Variants in SLK observed in about 807,000 individuals in gnomAD.
The protein encoded by SLK is STE20 like kinase.
Under a neutral mutation model 147.7 loss-of-function variants are expected in SLK, and 67 were observed. The ratio of observed to expected loss-of-function variants is 0.45; its 90% CI spans 0.37 to 0.56. SLK has a LOEUF of 0.56. Among genes scored for constraint, SLK ranks in the 20% least tolerant of loss-of-function variants. SLK has a pLI of 0.00. For synonymous variants in SLK, 441 were observed against 475.0 expected (o/e 0.93, Z 0.93); for missense variants, 1,136 against 1,438.8 (o/e 0.79, Z 3.41).
At chr10:104,019,106 G>T in intron 15 of SLK, 198 bp downstream of exon 15, 1 of 468,634 alleles carries the variant, frequency 2.1e-6, no homozygotes, top group Non-Finnish European at 3.8e-6. Flanking sequence ...CAAATTATAA[G>T]GAAAGTAACT....
At chr10:104,000,423 A>C (rs549589930) in intron 7 of SLK, among the ~76,000 whole-genome samples, 1 of 152,192 alleles carries the variant, frequency 6.6e-6, no homozygotes, top group Admixed American at 6.5e-5. Flanking sequence ...TCTTGAGGCA[A>C]TTACTGTTAG....
chr10:103,967,992 CCTT>C (rs757801468), intron 1 of SLK, 97 bp downstream of exon 1: 230 of 1,271,750 alleles, frequency 1.8e-4, no homozygotes, highest in African/African-American at 3.3e-4. Flanking sequence ...CTTATCCTGT[CCTT>C]CTTTTGACTG....
In SLK at chr10:104,008,376, T is replaced by C. The variant is rs1844356955; in HGVS notation, c.2784+20T>C. On this transcript the variant is annotated intron_variant, in intron 12 of 18. Transcript: ENST00000369755. ...AAGGAGGTAAGTGTAAACTACTGTT[T>C]TTAATTACTAAAGCTTTTTTTTTAA... is the stretch of plus-strand genomic sequence containing the variant. 1 of 1,550,566 alleles carries C rather than the reference T, an allele frequency of 6.4e-7. No individual in the cohort carries two copies. The highest frequency in any genetic ancestry group is 8.7e-7 in the Non-Finnish European group (1 of 1,144,726).
In SLK at chr10:104,008,297, G is replaced by A. The variant is rs1217978335; in HGVS notation, c.2725G>A (p.Gly909Arg). 1 of 1,613,726 alleles carries A rather than the reference G, an allele frequency of 6.2e-7. No homozygotes were observed. Among genetic ancestry groups the A allele is most frequent in the Non-Finnish European group, 8.5e-7 (1 of 1,179,896 alleles). Reference protein sequence around the residue: ...RLRDEAKRIKGEQEKELSKFQ... With the variant: ...RLRDEAKRIKREQEKELSKFQ... ...GCGAGATGAAGCCAAACGCATCAAA[G>A]GAGAACAAGAGAAAGAGTTGTCCAA... The change falls in exon 12 of 19, where the codon GGA (glycine) becomes AGA (arginine). Residue 909 changes from glycine to arginine, a missense_variant. By Grantham distance (125) the Gly-to-Arg change is moderately radical. Coordinates refer to ENST00000369755, the MANE Select transcript of SLK (RefSeq NM_014720.4).
chr10:103,980,757 G>C (rs1843930231), intron 1 of SLK, among the ~76,000 whole-genome samples: 1 of 152,112 alleles, frequency 6.6e-6, no homozygotes, highest in Non-Finnish European at 1.5e-5. Context: ...TTGCTTGCAT[G>C]TTTTAGCTGT....
chr10:104,015,429 T>C (rs1409080242), intron 13 of SLK, among the ~76,000 whole-genome samples: 2 of 152,244 alleles, frequency 1.3e-5, no homozygotes, highest in East Asian at 1.9e-4. Flanking sequence ...GCAGTCATTG[T>C]GAGGCATGGT....
rs765951157 is a variant in SLK at position 103,999,201 on chromosome 10, A to G, written c.670A>G (p.Thr224Ala). ...AGCTGATGTTTGGTCCCTGGGTATC[A>G]CTTTAATAGAAATGGCTGAGATAGA... is the stretch of plus-strand genomic sequence containing the variant. ...YKADVWSLGI[T>A]LIEMAEIEPP... Residue 224 changes from threonine to alanine, a missense_variant, in exon 6 of 19, where the codon ACT becomes GCT. This residue lies in a region of SLK where 141 missense variants were observed against 219.3 expected (regional missense o/e 0.64). Transcript: ENST00000369755. 1.9e-6 allele frequency: 3 copies of G among 1,613,662 alleles called. No individual in the cohort carries two copies. Among genetic ancestry groups the G allele is most frequent in the South Asian group, 2.2e-5 (2 of 91,076 alleles).
intron 1 of SLK, among the ~76,000 whole-genome samples, chr10:103,986,635 G>C (rs1295378457): frequency 1.4e-5 from 2 of 147,416 alleles, no homozygotes; most frequent in African/African-American, 2.5e-5. Flanking sequence ...GGAACCCCGG[G>C]TTTAGTTATT....
At chr10:103,990,258 G>C (rs1341332275) in intron 1 of SLK, among the ~76,000 whole-genome samples, 1 of 152,124 alleles carries the variant, frequency 6.6e-6, no homozygotes, top group Non-Finnish European at 1.5e-5. Context: ...ATTATAACGA[G>C]GGCTACATGT....
At chr10:104,018,014 A>G (rs763115554) in intron 13 of SLK, 146 bp from the exon 14 acceptor site, 4 of 598,570 alleles carry the variant, frequency 6.7e-6, no homozygotes, top group Non-Finnish European at 1.2e-5. Flanking sequence ...CATTTGTACT[A>G]TATAATTTTA....
At chr10:104,011,764 G>T (rs1487711670) in intron 13 of SLK, among the ~76,000 whole-genome samples, 2 of 152,162 alleles carry the variant, frequency 1.3e-5, no homozygotes, top group Non-Finnish European at 2.9e-5. Context: ...GTTTCACCAT[G>T]TTGGTCAGGA....
At position 103,967,911 on chromosome 10, in the gene SLK, C is replaced by CG. The variant is rs773991893; in HGVS notation, c.150+19dup. ...AGTGTACAAGGTAAGAGGGGGAAAA[C>CG]GGGAAGTTGTACTGCGAAGGTAAAA... is the stretch of plus-strand genomic sequence containing the variant. On this transcript the variant is annotated intron_variant, in intron 1 of 18. Coordinates refer to ENST00000369755, the MANE Select transcript of SLK (RefSeq NM_014720.4). The CG allele has an allele frequency of 1.1e-4, 172 of 1,611,510 alleles. 1 individual carries two copies. Among genetic ancestry groups the CG allele is most frequent in the Non-Finnish European group, 1.4e-4 (168 of 1,178,512 alleles).
At chr10:103,994,739 T>C (rs1391965466) in intron 4 of SLK, among the ~76,000 whole-genome samples, 1 of 152,238 alleles carries the variant, frequency 6.6e-6, no homozygotes, top group African/African-American at 2.4e-5. Flanking sequence ...GGGCTAGTAA[T>C]GAAACACTGA....
chr10:104,002,816 T>G lies in SLK; in HGVS notation c.1638T>G (p.Ser546Arg). 6.2e-7 allele frequency: 1 copy of G among 1,613,932 alleles called. No individual in the cohort carries two copies. Among genetic ancestry groups the G allele is most frequent in the South Asian group, 1.1e-5 (1 of 91,062 alleles). The change falls in exon 9 of 19, where the codon AGT becomes AGG. Residue 546 changes from serine (S) to arginine (R), a missense_variant. This residue lies in a region of SLK where 516 missense variants were observed against 531.3 expected (regional missense o/e 0.97). Coordinates refer to ENST00000369755, the MANE Select transcript of SLK (RefSeq NM_014720.4). ...KTQKDVISNT[S>R]DVIGTCEAAD... Reference sequence around the variant, plus strand: ...AAAAAGATGTGATCAGCAATACAAGTGATGTGATAGGAACATGTGAGGCAG... The same window carrying G: ...AAAAAGATGTGATCAGCAATACAAGGGATGTGATAGGAACATGTGAGGCAG...
chr10:104,016,524 A>G (rs1844468000), intron 13 of SLK, among the ~76,000 whole-genome samples: 1 of 152,254 alleles, frequency 6.6e-6, no homozygotes, highest in Admixed American at 6.5e-5. Flanking sequence ...TTTTTCAATG[A>G]TAATTTTCTT....
Position 104,002,808 on chromosome 10 carries a change from A to G in SLK, c.1630A>G (p.Asn544Asp). 4 of 1,614,164 alleles carry G rather than the reference A, an allele frequency of 2.5e-6. No homozygotes were observed. The highest frequency in any genetic ancestry group is 2.5e-6 in the Non-Finnish European group (3 of 1,180,024). ...DDKTQKDVIS[N>D]TSDVIGTCEA... The stretch of plus-strand genomic sequence containing the variant: ...CAAAACTCAAAAAGATGTGATCAGC[A>G]ATACAAGTGATGTGATAGGAACATG... Residue 544 changes from asparagine to aspartate, a missense_variant, in exon 9 of 19, where the codon AAT (asparagine) becomes GAT (aspartate). Around this residue, in one of 6 missense-constraint regions of SLK, gnomAD observed 516 missense variants for 531.3 expected, o/e 0.97. Transcript: ENST00000369755.
rs1460678623 is a variant in SLK at position 104,020,566 on chromosome 10, C to G, written c.3400C>G (p.Leu1134Val). 5 of 1,613,790 alleles carry G rather than the reference C, an allele frequency of 3.1e-6. No homozygotes were observed. Among genetic ancestry groups the G allele is most frequent in the Non-Finnish European group, 4.2e-6 (5 of 1,179,934 alleles). Reference protein sequence around the residue: ...HQKHENQMRDLQLQCEANVRE... With the variant: ...HQKHENQMRDVQLQCEANVRE... ...GAAACATGAGAATCAAATGCGAGAT[C>G]TTCAGTTGCAGTGTGAAGCCAATGT... Residue 1134 changes from leucine to valine, a missense_variant, in exon 17 of 19, where the codon CTT (leucine) becomes GTT (valine). Transcript: ENST00000369755.
chr10:103,988,295 C>T (rs1044480075), intron 1 of SLK, among the ~76,000 whole-genome samples: 1 of 152,162 alleles, frequency 6.6e-6, no homozygotes, highest in Non-Finnish European at 1.5e-5. Flanking sequence ...TGCTATTTTT[C>T]AAGTGCCTTT....
At chr10:104,018,744 AAAAG>A in intron 14 of SLK, 36 bp from the exon 15 acceptor site, 1 of 1,586,644 alleles carries the variant, frequency 6.3e-7, no homozygotes, top group Non-Finnish European at 8.5e-7. Flanking sequence ...CATTAGTAAA[AAAAG>A]AGCAAAGTGA....
Sources: allele counts gnomAD v4.1 joint callset (sites outside exome capture counted in the v4.1 genomes callset), GRCh38; gene constraint gnomAD v4.1.1; regional missense constraint gnomAD v4.1.1; transcripts MANE v1.5; gene names NCBI Gene and HGNC (gene_info 2026-07-23, HGNC 2026-07-21).